ZNF208: variants seen among roughly 807,000 people sequenced by gnomAD.
The protein encoded by ZNF208 is zinc finger protein 208.
Under a neutral mutation model 12.1 loss-of-function variants are expected in ZNF208, and 10 were observed. The ratio of observed to expected loss-of-function variants is 0.83; its 90% CI spans 0.51 to 1.40. The LOEUF is 1.40. Ranked by LOEUF, ZNF208 falls within the 40% of genes most tolerant of loss-of-function variation. The pLI is 0.00. For synonymous variants in ZNF208, 497 were observed against 488.4 expected (o/e 1.02, Z -0.23); for missense variants, 1,652 against 1,485.0 (o/e 1.11, Z -1.85).
At chr19:21,987,969 C>T (rs1050110251) in intron 2 of ZNF208, among the ~76,000 whole-genome samples, 2 of 152,066 alleles carry the variant, frequency 1.3e-5, no homozygotes, top group African/African-American at 4.8e-5. Flanking sequence ...ATTCCTTCGT[C>T]GCCACCGGAC....
chr19:21,990,713 C>T (rs1051931150), intron 1 of ZNF208, among the ~76,000 whole-genome samples: 34 of 152,216 alleles, frequency 2.2e-4, no homozygotes, highest in Admixed American at 1.2e-3. Context: ...GCCATTTTCA[C>T]GATATTGATT....
intron 1 of ZNF208, among the ~76,000 whole-genome samples, chr19:22,007,124 T>C (rs1568459009): frequency 6.6e-6 from 1 of 152,184 alleles, no homozygotes; most frequent in Non-Finnish European, 1.5e-5. Context: ...AATATATTAA[T>C]TCTCTATAGC....
intron 3 of ZNF208, among the ~76,000 whole-genome samples, chr19:21,983,048 A>G: frequency 6.6e-6 from 1 of 152,204 alleles, no homozygotes; most frequent in East Asian, 1.9e-4. Context: ...CTGCACAGCA[A>G]AAGAAACTAT....
chr19:21,958,150 A>G (rs1049565442), intron 4 of ZNF208, among the ~76,000 whole-genome samples: 6 of 149,968 alleles, frequency 4.0e-5, no homozygotes, highest in African/African-American at 1.5e-4. Context: ...ATGTCCTTAA[A>G]GAAGGAATTT....
chr19:22,000,872 G>A (rs1279399409), intron 1 of ZNF208, among the ~76,000 whole-genome samples: 2 of 152,120 alleles, frequency 1.3e-5, no homozygotes, highest in East Asian at 3.8e-4. Flanking sequence ...CATTAGCACT[G>A]ACCCCACAAA....
chr19:22,009,094 C>T (rs1395492908), intron 1 of ZNF208, among the ~76,000 whole-genome samples: 1 of 152,022 alleles, frequency 6.6e-6, no homozygotes, highest in East Asian at 1.9e-4. Flanking sequence ...TCTATGTCTA[C>T]GGAAAACAGA....
At chr19:21,950,078 C>T (rs1306019250) in intron 4 of ZNF208, among the ~76,000 whole-genome samples, 1 of 152,190 alleles carries the variant, frequency 6.6e-6, no homozygotes, top group African/African-American at 2.4e-5. Context: ...TAAGAAGAAT[C>T]ACTGCTTATA....
intron 4 of ZNF208, among the ~76,000 whole-genome samples, chr19:21,945,600 T>C (rs1969804200): frequency 6.6e-6 from 1 of 152,206 alleles, no homozygotes; most frequent in African/African-American, 2.4e-5. Flanking sequence ...CACTATCTAT[T>C]CAACTTTTTA....
Position 21,966,548 on chromosome 19 carries a change from A to C in ZNF208, c.*4643T>G, listed in dbSNP as rs1478727305. The C allele has an allele frequency of 6.6e-6, 1 of 152,138 alleles. No homozygotes were observed. Among genetic ancestry groups the C allele is most frequent in the African/African-American group, 2.4e-5 (1 of 41,428 alleles). The allele number at this position is 152,138 out of a possible 1,614,324, so 9.4% of individuals were successfully genotyped here. On this transcript the variant is annotated 3_prime_UTR_variant, in exon 4 of 4. Coordinates refer to ENST00000397126, the MANE Select transcript of ZNF208 (RefSeq NM_007153.3). ...TTAAATTCTGTTTTTGCTATTGTGAATAGTGCTGCAATGAACATGTGAGTG... is the reference window on the plus strand; with the variant it reads ...TTAAATTCTGTTTTTGCTATTGTGACTAGTGCTGCAATGAACATGTGAGTG...
At chr19:21,978,649 C>G (rs952565154) in intron 3 of ZNF208, among the ~76,000 whole-genome samples, 2 of 152,152 alleles carry the variant, frequency 1.3e-5, no homozygotes, top group Non-Finnish European at 1.5e-5. Context: ...AATTCCAAAA[C>G]CCAGAATGCC....
intron 3 of ZNF208, 89 bp downstream of exon 3, chr19:21,987,127 G>T: frequency 7.3e-7 from 1 of 1,365,526 alleles, no homozygotes; most frequent in Non-Finnish European, 9.9e-7. Context: ...ACTTCTTTTG[G>T]AACACAGCTT....
downstream of ZNF208, among the ~76,000 whole-genome samples, chr19:21,962,969 T>C (rs1348112986): frequency 6.6e-6 from 1 of 152,120 alleles, no homozygotes; most frequent in Non-Finnish European, 1.5e-5. Flanking sequence ...TAGTCTCATC[T>C]ACGGTTATAA....
rs754034876 is a variant in ZNF208 at position 21,973,508 on chromosome 19, G to A, written c.1526C>T (p.Ser509Phe). The A allele has an allele frequency of 1.1e-5, 17 of 1,610,572 alleles. No homozygotes were observed. The highest frequency in any genetic ancestry group is 1.4e-5 in the Non-Finnish European group (17 of 1,179,176). Residue 509 changes from serine (S) to phenylalanine (F), a missense_variant, in exon 4 of 4, where the codon TCC becomes TTC. Ser to Phe is a radical substitution (Grantham distance 155). Around this residue, in one of 3 missense-constraint regions of ZNF208, gnomAD observed 1,239 missense variants for 1,086.2 expected, o/e 1.14. Coordinates refer to ENST00000397126, the MANE Select transcript of ZNF208 (RefSeq NM_007153.3). The part of the protein sequence containing the change: ...CEECGKAFNW[S>F]SNLMEHKRIH... ...TCTCTTATGTTCCATAAGGTTTGAGGACCAGTTGAAAGCTTTGCCACATTC... is the reference window on the plus strand; with the variant it reads ...TCTCTTATGTTCCATAAGGTTTGAGAACCAGTTGAAAGCTTTGCCACATTC...
chr19:21,993,525 A>C (rs1333266181), intron 1 of ZNF208, among the ~76,000 whole-genome samples: 1 of 152,156 alleles, frequency 6.6e-6, no homozygotes. Flanking sequence ...TAACTCCTTA[A>C]GTAAGCATTT....
At position 21,971,366 on chromosome 19, in the gene ZNF208, T is replaced by G. The variant is rs980929841; in HGVS notation, c.3668A>C (p.Lys1223Thr). 2.5e-6 allele frequency: 4 copies of G among 1,609,942 alleles called. No individual in the cohort carries two copies. The highest frequency in any genetic ancestry group is 3.4e-6 in the Non-Finnish European group (4 of 1,179,318). ...RYHKKIHTGE[K>T]PYKCEECGKA... is the part of the protein sequence containing the mutation. ...GCCACATTCTTCACATTTGTAGGGT[T>G]TCTCTCCAGTATGAATTTTCTTGTG... The change falls in exon 4 of 4, where the codon AAA (lysine) becomes ACA (threonine). Residue 1223 changes from lysine (K) to threonine (T), a missense_variant. Around this residue, in one of 3 missense-constraint regions of ZNF208, gnomAD observed 1,239 missense variants for 1,086.2 expected, o/e 1.14. Coordinates refer to ENST00000397126, the MANE Select transcript of ZNF208 (RefSeq NM_007153.3).
At chr19:21,946,940 A>G (rs1969821992) in intron 4 of ZNF208, among the ~76,000 whole-genome samples, 1 of 145,250 alleles carries the variant, frequency 6.9e-6, no homozygotes, top group South Asian at 2.2e-4. Flanking sequence ...AAGAACTTCC[A>G]GTCTTTTTTT....
At chr19:21,996,268 GC>G (rs200394630) in intron 1 of ZNF208, among the ~76,000 whole-genome samples, 2,761 of 152,172 alleles carry the variant, frequency 0.018, 71 homozygotes, top group African/African-American at 0.062. Context: ...ATTTGTGAAG[GC>G]AAAAAAGAGG....
intron 1 of ZNF208, among the ~76,000 whole-genome samples, chr19:21,994,397 G>A (rs1970792867): frequency 1.3e-5 from 2 of 152,068 alleles, no homozygotes. Context: ...CCAAAACTCT[G>A]ATCTCTTCTA....
chr19:21,974,828 C>G, intron 3 of ZNF208, 21 bp from the exon 4 acceptor site: 3 of 1,509,596 alleles, frequency 2.0e-6, no homozygotes, highest in Non-Finnish European at 2.6e-6. Flanking sequence ...ATAAAAATCA[C>G]AAATTAGCCT....
Sources: allele counts gnomAD v4.1 joint callset (sites outside exome capture counted in the v4.1 genomes callset), GRCh38; gene constraint gnomAD v4.1.1; regional missense constraint gnomAD v4.1.1; transcripts MANE v1.5; gene names NCBI Gene and HGNC (gene_info 2026-07-23, HGNC 2026-07-21).